HFM1: variants seen among roughly 807,000 people sequenced by gnomAD.
The protein encoded by HFM1 is helicase for meiosis 1.
In HFM1, 169 loss-of-function variants were observed where a neutral mutation model predicts 192.1. The ratio of observed to expected loss-of-function variants is 0.88; its 90% CI spans 0.78 to 1.00. The LOEUF (loss-of-function observed/expected upper bound fraction) is 1.00, where lower values mean the gene tolerates loss of function less well. Among genes scored for constraint, HFM1 ranks in the 50% least tolerant of loss-of-function variants. HFM1 has a pLI of 0.00. For missense variants in HFM1, 1,661 were observed against 1,668.0 expected, an observed-to-expected ratio of 1.00 and a Z score of 0.07; for synonymous variants, 525 against 537.8, an observed-to-expected ratio of 0.98 and a Z score of 0.33.
intron 8 of HFM1, 117 bp from the exon 9 acceptor site, chr1:91,379,331 T>C: frequency 1.3e-6 from 1 of 764,574 alleles, no homozygotes; most frequent in Non-Finnish European, 2.1e-6. Context: ...CTAATATTGA[T>C]AAATTAAAAA....
chr1:91,377,527 T>C (rs1661046224), intron 11 of HFM1: 1 of 153,620 alleles, frequency 6.5e-6, no homozygotes, highest in Admixed American at 6.6e-5. Context: ...ACATGATTAT[T>C]TCTTTACATG....
At chr1:91,273,613 A>G (rs1054591658) in intron 34 of HFM1, 99 bp downstream of exon 34, 20 of 602,366 alleles carry the variant, frequency 3.3e-5, no homozygotes, top group Non-Finnish European at 5.5e-5. Context: ...GTTAATAATC[A>G]TAACAATTTC....
chr1:91,373,818 T>C (rs901577224), intron 13 of HFM1, among the ~76,000 whole-genome samples: 1 of 152,102 alleles, frequency 6.6e-6, no homozygotes, highest in South Asian at 2.1e-4. Flanking sequence ...TCTTTATAAA[T>C]TACCCAGGCT....
intron 30 of HFM1, among the ~76,000 whole-genome samples, chr1:91,287,801 T>C (rs1453688512): frequency 6.6e-6 from 1 of 151,024 alleles, no homozygotes; most frequent in East Asian, 2.0e-4. Context: ...GAATAACCAA[T>C]ACAGAGAAGT....
At chr1:91,392,802 A>C (rs1027888437) in intron 4 of HFM1, among the ~76,000 whole-genome samples, 5 of 152,204 alleles carry the variant, frequency 3.3e-5, no homozygotes, top group African/African-American at 1.2e-4. Context: ...AAGTGAAAGA[A>C]GCCAGGCACA....
At chr1:91,276,940 C>T in intron 31 of HFM1, 42 bp downstream of exon 31, 1 of 1,227,506 alleles carries the variant, frequency 8.1e-7, no homozygotes. Context: ...AAAGACCTTT[C>T]AATTTTGAAC....
chr1:91,350,701 GAAAA>G, intron 18 of HFM1, 33 bp downstream of exon 18: 1 of 1,601,022 alleles, frequency 6.2e-7, no homozygotes, highest in Non-Finnish European at 8.5e-7. Context: ...TAGCTGGCTT[GAAAA>G]AATTACTACT....
intron 13 of HFM1, among the ~76,000 whole-genome samples, chr1:91,354,339 T>A (rs1657421671): frequency 6.6e-6 from 1 of 151,894 alleles, no homozygotes; most frequent in Non-Finnish European, 1.5e-5. Flanking sequence ...CTATAGGACT[T>A]ATGGGACACC....
intron 6 of HFM1, among the ~76,000 whole-genome samples, chr1:91,382,379 C>T (rs1478294263): frequency 6.6e-6 from 1 of 152,058 alleles, no homozygotes; most frequent in Non-Finnish European, 1.5e-5. Context: ...GCTTCCTCCC[C>T]ACCCTCATCC....
At chr1:91,329,125 T>C (rs1653404517) in intron 20 of HFM1, 1 of 1,609,878 alleles carries the variant, frequency 6.2e-7, no homozygotes, top group Non-Finnish European at 8.5e-7. Context: ...GTGGATCTAA[T>C]CCAGAAGCAC....
chr1:91,332,555 T>G (rs951527709), intron 20 of HFM1, among the ~76,000 whole-genome samples: 5 of 152,146 alleles, frequency 3.3e-5, no homozygotes, highest in Non-Finnish European at 7.4e-5. Flanking sequence ...CAAAAATTTC[T>G]TGAGTAATAC....
intron 34 of HFM1, among the ~76,000 whole-genome samples, chr1:91,271,207 C>A (rs1666258499): frequency 6.6e-6 from 1 of 152,120 alleles, no homozygotes; most frequent in South Asian, 2.1e-4. Context: ...TCTGCCAAAA[C>A]TAACAGGGAA....
At chr1:91,375,897 G>T (rs1557485053) in intron 11 of HFM1, among the ~76,000 whole-genome samples, 170 bp from the exon 12 acceptor site, 1 of 151,496 alleles carries the variant, frequency 6.6e-6, no homozygotes, top group Non-Finnish European at 1.5e-5. Context: ...TGATATAGTG[G>T]TCAACACTAC....
intron 4 of HFM1, among the ~76,000 whole-genome samples, chr1:91,391,668 T>C (rs1663008582): frequency 6.6e-6 from 1 of 152,086 alleles, no homozygotes; most frequent in Non-Finnish European, 1.5e-5. Context: ...ACCTAGGCAA[T>C]ACCACTCAGG....
intron 28 of HFM1, among the ~76,000 whole-genome samples, chr1:91,314,322 T>C (rs1650896087): frequency 6.6e-6 from 1 of 152,240 alleles, no homozygotes; most frequent in Non-Finnish European, 1.5e-5. Context: ...GGTACAATCA[T>C]ACCTCACTGC....
chr1:91,376,398 TACAG>T (rs1313129687), intron 11 of HFM1, among the ~76,000 whole-genome samples: 3 of 151,872 alleles, frequency 2.0e-5, no homozygotes, highest in Non-Finnish European at 4.4e-5. Context: ...CATAAGAATT[TACAG>T]ACAGAGGGGA....
chr1:91,337,222 G>A (rs576992202), intron 20 of HFM1, among the ~76,000 whole-genome samples: 1 of 152,130 alleles, frequency 6.6e-6, no homozygotes, highest in East Asian at 1.9e-4. Flanking sequence ...TCATATACCA[G>A]AACAGTTGAA....
At chr1:91,405,901 TGGAGA>T (rs1223561697), upstream of HFM1, among the ~76,000 whole-genome samples, 1 of 152,248 alleles carries the variant, frequency 6.6e-6, no homozygotes, top group Non-Finnish European at 1.5e-5. Context: ...TCAAAAATAC[TGGAGA>T]GGAAAGTTAC....
At chr1:91,332,575 A>C (rs1653992050) in intron 20 of HFM1, among the ~76,000 whole-genome samples, 1 of 152,172 alleles carries the variant, frequency 6.6e-6, no homozygotes, top group South Asian at 2.1e-4. Context: ...CCCTACAAGC[A>C]CAGGCAACAA....
Sources: allele counts gnomAD v4.1 joint callset (sites outside exome capture counted in the v4.1 genomes callset), GRCh38; gene constraint gnomAD v4.1.1; transcripts MANE v1.5; gene names NCBI Gene and HGNC (gene_info 2026-07-23, HGNC 2026-07-21).